Variants in BLOC1S6 observed in about 807,000 individuals in gnomAD.
The protein encoded by BLOC1S6 is biogenesis of lysosome-related organelles complex 1 subunit 6.
A neutral mutation model predicts 24.7 loss-of-function variants in BLOC1S6; 24 were observed. The observed-to-expected ratio is 0.97, with a 90% CI of 0.70 to 1.37. BLOC1S6 has a LOEUF of 1.37. Ranked by LOEUF, BLOC1S6 falls within the 40% of genes most tolerant of loss-of-function variation. The pLI is 0.00. For missense variants in BLOC1S6, 175 were observed against 196.2 expected (o/e 0.89, Z 0.64); for synonymous variants, 76 against 72.6 (o/e 1.05, Z -0.23).
intron 2 of BLOC1S6, among the ~76,000 whole-genome samples, chr15:45,595,833 G>A (rs764628422): frequency 2.6e-5 from 4 of 152,112 alleles, no homozygotes; most frequent in Non-Finnish European, 5.9e-5. Context: ...TTGAGATGGA[G>A]TTTCTCTCCT....
At chr15:45,590,219 G>A (rs901606331) in intron 1 of BLOC1S6, among the ~76,000 whole-genome samples, 2 of 150,186 alleles carry the variant, frequency 1.3e-5, no homozygotes, top group Non-Finnish European at 3.0e-5. Context: ...TTTGGTTTTT[G>A]TATTTTTATT....
intron 2 of BLOC1S6, 44 bp downstream of exon 2, chr15:45,592,320 C>T (rs2140904752): frequency 6.2e-7 from 1 of 1,603,630 alleles, no homozygotes; most frequent in Non-Finnish European, 8.5e-7. Flanking sequence ...TCCTCTGTGG[C>T]ATAGTCACAA....
In BLOC1S6 at chr15:45,587,451, T is replaced by A. The variant is rs2140899069; in HGVS notation, c.8T>A (p.Val3Asp). The A allele has an allele frequency of 6.3e-7, 1 of 1,578,846 alleles. No homozygotes were observed. The highest frequency in any genetic ancestry group is 2.3e-5 in the East Asian group (1 of 42,812). Residue 3 changes from valine (V) to aspartate (D), a missense_variant, in exon 1 of 5, where the codon GTC (valine) becomes GAC (aspartate). Physicochemically the swap from Val to Asp is radical, Grantham distance 152. Coordinates refer to ENST00000220531, the MANE Select transcript of BLOC1S6 (RefSeq NM_012388.4). MS[V>D]PGPSSPDGAL... The stretch of plus-strand genomic sequence containing the variant: ...GTTCCCAGCTGGAGGGACATGAGTG[T>A]CCCTGGGCCGTCGTCTCCGGACGGG...
chr15:45,604,393 G>T (rs1385650214), intron 3 of BLOC1S6, among the ~76,000 whole-genome samples: 1 of 152,144 alleles, frequency 6.6e-6, no homozygotes, highest in Non-Finnish European at 1.5e-5. Context: ...AGTAGTTCCT[G>T]GTTTCTTGCG....
chr15:45,606,579 C>T lies in BLOC1S6; in HGVS notation c.*65C>T. The T allele has an allele frequency of 6.2e-7, 1 of 1,609,328 alleles. No individual in the cohort carries two copies. Among genetic ancestry groups the T allele is most frequent in the Non-Finnish European group, 8.5e-7 (1 of 1,175,952 alleles). ...TGGGTTATGATGACTCAAGTGTAGA[C>T]TGAAGTTGAGGTAGTGCCTTATGCC... On this transcript the variant is annotated 3_prime_UTR_variant, in exon 5 of 5. Transcript: ENST00000220531.
chr15:45,591,540 C>T (rs1419190567), intron 1 of BLOC1S6, among the ~76,000 whole-genome samples: 1 of 152,050 alleles, frequency 6.6e-6, no homozygotes, highest in Non-Finnish European at 1.5e-5. Context: ...TCAAGTTATC[C>T]TCCCACCTCA....
rs1893713290 is a variant in BLOC1S6, at chr15:45,587,419, TC to T, written c.-22del. 1 of 1,560,218 alleles carries T rather than the reference TC, an allele frequency of 6.4e-7. No homozygotes were observed. Among genetic ancestry groups the T allele is most frequent in the East Asian group, 2.4e-5 (1 of 41,754 alleles). ...TCTGACGAGCCACACGTTTGCTTCT[TC>T]CCTGTGTTCCCAGCTGGAGGGACAT... On this transcript the variant is annotated 5_prime_UTR_variant, in exon 1 of 5. Coordinates refer to ENST00000220531, the MANE Select transcript of BLOC1S6 (RefSeq NM_012388.4).
chr15:45,606,275 A>G, intron 4 of BLOC1S6, 120 bp from the exon 5 acceptor site: 1 of 1,384,386 alleles, frequency 7.2e-7, no homozygotes, highest in South Asian at 1.2e-5. Context: ...TTAAATGTCC[A>G]AGATGAAGTT....
intron 4 of BLOC1S6, 140 bp downstream of exon 4, chr15:45,605,654 A>G (rs1357247582): frequency 2.3e-5 from 15 of 649,922 alleles, no homozygotes; most frequent in South Asian, 3.6e-5. Context: ...CAATGGTGCA[A>G]TCTCGGCTCA....
intron 1 of BLOC1S6, among the ~76,000 whole-genome samples, chr15:45,591,742 G>A (rs539650949): frequency 6.6e-6 from 1 of 152,160 alleles, no homozygotes; most frequent in African/African-American, 2.4e-5. Flanking sequence ...TAAAGATACA[G>A]AATTTTGTGT....
Position 45,609,431 on chromosome 15 carries a change from G to A in BLOC1S6, c.*2917G>A, listed in dbSNP as rs1894600640. Reference sequence around the variant, plus strand: ...CTGCAAAATAGTGAATTGGTACTTGGGAGACTTCTGTTCTTTGTTGAAAAA... The same window carrying A: ...CTGCAAAATAGTGAATTGGTACTTGAGAGACTTCTGTTCTTTGTTGAAAAA... On this transcript the variant is annotated 3_prime_UTR_variant, in exon 5 of 5. Coordinates refer to ENST00000220531, the MANE Select transcript of BLOC1S6 (RefSeq NM_012388.4). 6.6e-6 allele frequency: 1 copy of A among 152,082 alleles called. No individual in the cohort carries two copies. The highest frequency in any genetic ancestry group is 6.5e-5 in the Admixed American group (1 of 15,274). 9.4% of individuals were successfully genotyped at this position (152,082 alleles called of 1,614,324 possible).
rs1894577058 is a variant in BLOC1S6, at chr15:45,608,891, T to G, written c.*2377T>G. On this transcript the variant is annotated 3_prime_UTR_variant, in exon 5 of 5. Transcript: ENST00000220531. ...TTCTGAGCTGCTGCTTTTGATATAG[T>G]CAGACTTAAGACTGAACCCCAGTAG... 6.6e-6 allele frequency: 1 copy of G among 152,200 alleles called. No homozygotes were observed. Among genetic ancestry groups the G allele is most frequent in the Non-Finnish European group, 1.5e-5 (1 of 68,032 alleles). The allele number at this position is 152,200 out of a possible 1,614,324, so 9.4% of individuals were successfully genotyped here.
At chr15:45,590,323 G>C (rs531495872) in intron 1 of BLOC1S6, among the ~76,000 whole-genome samples, 2 of 151,380 alleles carry the variant, frequency 1.3e-5, no homozygotes, top group Non-Finnish European at 2.9e-5. Flanking sequence ...CATGTGTTTC[G>C]TAGGGTTAAA....
chr15:45,600,443 C>G (rs1894233957), intron 2 of BLOC1S6, among the ~76,000 whole-genome samples: 1 of 152,042 alleles, frequency 6.6e-6, no homozygotes, highest in Non-Finnish European at 1.5e-5. Context: ...GCAGGTTTTT[C>G]AAGGTATTCC....
intron 1 of BLOC1S6, among the ~76,000 whole-genome samples, chr15:45,591,764 C>G (rs1255845744): frequency 2.0e-5 from 3 of 152,182 alleles, no homozygotes; most frequent in Admixed American, 6.5e-5. Flanking sequence ...TGTTAATGTT[C>G]ATTTATCATA....
At chr15:45,602,435 G>T (rs968203196) in intron 2 of BLOC1S6, 8 of 608,344 alleles carry the variant, frequency 1.3e-5, no homozygotes, top group Middle Eastern at 3.2e-4. Context: ...GATGTGTAAA[G>T]AAATATCAAG....
chr15:45,590,532 C>T (rs146155966), intron 1 of BLOC1S6, among the ~76,000 whole-genome samples: 907 of 151,630 alleles, frequency 6.0e-3, no homozygotes, highest in African/African-American at 0.021. Context: ...CTTAGCTTCT[C>T]GAGTAGCTGA....
chr15:45,593,183 C>T (rs939587286), intron 2 of BLOC1S6, among the ~76,000 whole-genome samples: 2 of 151,688 alleles, frequency 1.3e-5, no homozygotes, highest in Non-Finnish European at 1.5e-5. Flanking sequence ...CACTTGAGGT[C>T]GGGAGTTTTA....
Position 45,608,792 on chromosome 15 carries a change from G to A in BLOC1S6, c.*2278G>A, listed in dbSNP as rs943757567. On this transcript the variant is annotated 3_prime_UTR_variant, in exon 5 of 5. Coordinates refer to ENST00000220531, the MANE Select transcript of BLOC1S6 (RefSeq NM_012388.4). ...GTCACTAGTATAGACTATCTATCTA[G>A]TGAGTTGTATTATAAGCGATGAAAT... 1 of 152,178 alleles carries A rather than the reference G, an allele frequency of 6.6e-6. No homozygotes were observed. Among genetic ancestry groups the A allele is most frequent in the African/African-American group, 2.4e-5 (1 of 41,456 alleles). 9.4% of individuals were successfully genotyped at this position (152,178 alleles called of 1,614,324 possible). A position where few individuals can be genotyped will look rare whatever the true frequency, so the allele number is the denominator to read the frequency against.
Sources: gnomAD v4.1 joint callset for allele counts (sites outside exome capture counted in the v4.1 genomes callset) on GRCh38, gnomAD v4.1.1 for gene constraint, MANE v1.5 for transcripts, NCBI Gene and HGNC (gene_info 2026-07-23, HGNC 2026-07-21) for gene names.